The following SORBS2 variants were observed in gnomAD, a reference collection of about 807,000 sequenced individuals.
The protein encoded by SORBS2 is sorbin and SH3 domain containing 2, also known as sorbin and SH3 domain-containing protein 2.
In SORBS2, 46 loss-of-function variants were observed where a neutral mutation model predicts 97.7. That is an observed-to-expected ratio of 0.47 (90% CI 0.37 to 0.60). The LOEUF is 0.60. SORBS2 is among the 20% of genes least tolerant of loss of function. SORBS2 has a pLI of 0.00. For missense variants in SORBS2, 1,316 were observed against 1,282.3 expected, an observed-to-expected ratio of 1.03 and a Z score of -0.40; for synonymous variants, 476 against 473.4, an observed-to-expected ratio of 1.01 and a Z score of -0.07.
At chr4:185,827,222 CCAT>C (rs1251463109) in intron 1 of SORBS2, among the ~76,000 whole-genome samples, 786 of 53,870 alleles carry the variant, frequency 0.015, 1 homozygote, top group African/African-American at 0.054. Flanking sequence ...ACCATCATCA[CCAT>C]CATCATCATC....
intron 11 of SORBS2, among the ~76,000 whole-genome samples, chr4:185,614,282 G>A (rs558372379): frequency 6.9e-6 from 1 of 144,404 alleles, no homozygotes; most frequent in South Asian, 2.3e-4. Flanking sequence ...TTATTAAGAA[G>A]AGATACTAGG....
intron 2 of SORBS2, among the ~76,000 whole-genome samples, chr4:185,752,917 A>G (rs909963139): frequency 6.6e-6 from 1 of 152,234 alleles, no homozygotes; most frequent in South Asian, 2.1e-4. Context: ...TGGCATGCCT[A>G]TTATTCACAA....
intron 12 of SORBS2, among the ~76,000 whole-genome samples, chr4:185,608,618 T>C (rs1580850199): frequency 6.6e-6 from 1 of 152,212 alleles, no homozygotes; most frequent in Non-Finnish European, 1.5e-5. Flanking sequence ...CTGATAAATA[T>C]ATACACCCCA....
chr4:185,586,288 A>T (rs2095800741), exon 15 of SORBS2: 1 of 152,626 alleles, frequency 6.6e-6, no homozygotes, highest in Admixed American at 6.5e-5. Context: ...TGTGAACCAT[A>T]TTAAACCTTC....
chr4:185,855,668 G>A (rs2099220298), intron 1 of SORBS2, among the ~76,000 whole-genome samples: 1 of 152,146 alleles, frequency 6.6e-6, no homozygotes, highest in African/African-American at 2.4e-5. Context: ...AGAATCACCA[G>A]GAATTAAGAC....
intron 4 of SORBS2, among the ~76,000 whole-genome samples, chr4:185,637,674 C>A (rs1413265996): frequency 6.6e-6 from 1 of 152,090 alleles, no homozygotes; most frequent in African/African-American, 2.4e-5. Flanking sequence ...CAGAAGCCCG[C>A]ACTCTCCAGG....
At chr4:185,638,722 G>C (rs1419333852) in intron 4 of SORBS2, among the ~76,000 whole-genome samples, 155 bp downstream of exon 14, 1 of 151,850 alleles carries the variant, frequency 6.6e-6, no homozygotes, top group East Asian at 2.0e-4. Context: ...CAGGGCATTG[G>C]GGGGCTCTCA....
intron 12 of SORBS2, among the ~76,000 whole-genome samples, chr4:185,603,579 T>C (rs2096326804): frequency 1.3e-5 from 2 of 152,210 alleles, no homozygotes; most frequent in South Asian, 4.1e-4. Context: ...TTTTTACTTA[T>C]GTGCAGAGGC....
intron 2 of SORBS2, among the ~76,000 whole-genome samples, chr4:185,720,986 T>A (rs894063608): frequency 2.6e-5 from 4 of 151,720 alleles, no homozygotes; most frequent in African/African-American, 7.3e-5. Flanking sequence ...AAGTTCCTCA[T>A]CCACCTGCCT....
chr4:185,628,096 C>G (rs577793556), intron 5 of SORBS2, among the ~76,000 whole-genome samples: 1 of 152,308 alleles, frequency 6.6e-6, no homozygotes, highest in East Asian at 1.9e-4. Context: ...TGAAGGACAT[C>G]TTGGTTGCTT....
At position 185,623,452 on chromosome 4, in the gene SORBS2, G is replaced by A. The variant is rs1290344012; in HGVS notation, c.1677C>T (p.Ser559=). ...AGGCCGGGCACCTGCCTTTGCAGGA[G>A]CTGATGAGGTGGCGGTGGTGGTGGT... is the stretch of plus-strand genomic sequence containing the variant. The change falls in exon 7 of 15, where the codon AGC becomes AGT. Residue 559 remains serine (S), a synonymous_variant. Transcript: ENST00000418609. This position sits in a 1 kb window ranked among gnomAD's most constrained non-coding sequence, Gnocchi z 6.4. The A allele has an allele frequency of 1.9e-6, 3 of 1,612,230 alleles. No individual in the cohort carries two copies. Among genetic ancestry groups the A allele is most frequent in the Non-Finnish European group, 2.5e-6 (3 of 1,180,036 alleles).
chr4:185,938,890 G>A (rs536105635), intron 1 of SORBS2, among the ~76,000 whole-genome samples: 2 of 152,170 alleles, frequency 1.3e-5, no homozygotes, highest in East Asian at 1.9e-4. Context: ...CATTATGTCC[G>A]CTTCAAAGCA....
chr4:185,595,724 CCTCT>C (rs964523085), intron 12 of SORBS2, among the ~76,000 whole-genome samples: 1 of 151,192 alleles, frequency 6.6e-6, no homozygotes, highest in Non-Finnish European at 1.5e-5. Context: ...CTTAACCATT[CCTCT>C]CTTTTTTTTT....
At chr4:185,632,580 C>A (rs1276438150) in intron 4 of SORBS2, among the ~76,000 whole-genome samples, 2 of 152,184 alleles carry the variant, frequency 1.3e-5, no homozygotes, top group Non-Finnish European at 2.9e-5. Context: ...AAGAGCGACA[C>A]TGAAGAGCCT....
intron 8 of SORBS2, among the ~76,000 whole-genome samples, chr4:185,619,708 C>T (rs550262638): frequency 1.3e-5 from 2 of 152,330 alleles, no homozygotes; most frequent in Non-Finnish European, 2.9e-5. Context: ...AGGCTTTCTC[C>T]TGGACCAGCG....
intron 1 of SORBS2, among the ~76,000 whole-genome samples, chr4:185,796,076 T>A (rs1034632337): frequency 5.9e-5 from 9 of 152,172 alleles, no homozygotes; most frequent in Admixed American, 3.3e-4. Context: ...TTATTTTTTT[T>A]AAATTTTCTT....
intron 2 of SORBS2, among the ~76,000 whole-genome samples, chr4:185,763,319 T>G (rs1333344939): frequency 6.6e-6 from 1 of 152,176 alleles, no homozygotes; most frequent in Non-Finnish European, 1.5e-5. Context: ...GGAGGCATGA[T>G]TCCTATGGGC....
chr4:185,737,003 A>C (rs1267525807), intron 2 of SORBS2, among the ~76,000 whole-genome samples: 1 of 152,192 alleles, frequency 6.6e-6, no homozygotes, highest in Admixed American at 6.5e-5. Flanking sequence ...AAAATGTCTG[A>C]GTTCCGGGTT....
In SORBS2 at chr4:185,587,840, C is replaced by T. The variant is rs1179689523; in HGVS notation, c.2954-152G>A. 4.8e-6 allele frequency: 3 copies of T among 630,794 alleles called. No individual in the cohort carries two copies. The African/African-American group carries it at 5.5e-5, about 12-fold the overall frequency. 39.1% of individuals were successfully genotyped at this position (630,794 alleles called of 1,614,324 possible). On this transcript the variant is annotated intron_variant, in intron 14 of 14. Transcript: ENST00000418609. The stretch of plus-strand genomic sequence containing the variant: ...AGGCAACTCACATGAAGCCCATAGG[C>T]AGACAAAATAAGCAGTGTTAGCTGG...
Sources: gnomAD v4.1 joint callset for allele counts (sites outside exome capture counted in the v4.1 genomes callset) on GRCh38, gnomAD v4.1.1 for gene constraint, Gnocchi (gnomAD v3.1) non-coding constraint, MANE v1.5 for transcripts, NCBI Gene and HGNC (gene_info 2026-07-23, HGNC 2026-07-21) for gene names.